HAPSTR1: variants seen among roughly 807,000 people sequenced by gnomAD.
HAPSTR1 encodes the protein HUWE1-associated protein modifying stress responses 1.
the HAPSTR1 span, chr16:9,120,570 TA>T: frequency 2.0e-5 from 3 of 152,018 alleles, no homozygotes; most frequent in African/African-American, 7.3e-5. Context: ...ATTTTTTTTT[TA>T]TTTAGTGCTT....
chr16:9,119,908 G>A, the HAPSTR1 span: 4 of 152,206 alleles, frequency 2.6e-5, no homozygotes, highest in Non-Finnish European at 5.9e-5. Flanking sequence ...TATAGTGAGA[G>A]GGATGGCCAA....
At chr16:9,105,915 C>G in the HAPSTR1 span, 1 of 152,078 alleles carries the variant, frequency 6.6e-6, no homozygotes, top group African/African-American at 2.4e-5. Flanking sequence ...GTTTTTTTCC[C>G]CTTCCTTACC....
At chr16:9,116,992 T>A in the HAPSTR1 span, 1 of 1,557,058 alleles carries the variant, frequency 6.4e-7, no homozygotes, top group Non-Finnish European at 8.7e-7. Flanking sequence ...AAAGGAAACA[T>A]GAGGCCATCT....
At chr16:9,114,366 C>T in the HAPSTR1 span, among the ~76,000 whole-genome samples, 1 of 151,914 alleles carries the variant, frequency 6.6e-6, no homozygotes, top group African/African-American at 2.4e-5. Flanking sequence ...CGGAGAGTTT[C>T]AATTTCAAGG....
the HAPSTR1 span, among the ~76,000 whole-genome samples, chr16:9,095,878 TACTG>T: frequency 0.16 from 23,747 of 152,104 alleles, 2,019 homozygotes; most frequent in Non-Finnish European, 0.19. Context: ...GAAGCCAAAA[TACTG>T]ACTGCTGGTT....
At chr16:9,113,074 T>G in the HAPSTR1 span, 1 of 151,758 alleles carries the variant, frequency 6.6e-6, no homozygotes, top group African/African-American at 2.4e-5. Context: ...TAGATTTTTC[T>G]GTACTTGTAT....
chr16:9,099,866 T>G, the HAPSTR1 span, among the ~76,000 whole-genome samples: 31,390 of 152,116 alleles, frequency 0.21, 3,319 homozygotes, highest in East Asian at 0.25. Flanking sequence ...TTAGCTCAAG[T>G]TATGAGAAAG....
the HAPSTR1 span, among the ~76,000 whole-genome samples, chr16:9,097,141 T>C: frequency 6.6e-6 from 1 of 152,140 alleles, no homozygotes; most frequent in African/African-American, 2.4e-5. Flanking sequence ...GGTTTCACCA[T>C]GTTGGCCAGG....
chr16:9,097,527 A>G, the HAPSTR1 span, among the ~76,000 whole-genome samples: 5 of 152,214 alleles, frequency 3.3e-5, no homozygotes, highest in Non-Finnish European at 2.9e-5. Context: ...GTGAGCCACC[A>G]TACCCAGCCT....
the HAPSTR1 span, chr16:9,103,414 T>C: frequency 3.9e-6 from 3 of 772,758 alleles, no homozygotes; most frequent in Non-Finnish European, 5.9e-6. Flanking sequence ...AGCTAAGAAC[T>C]TAATATGGGC....
chr16:9,095,407 T>C, the HAPSTR1 span, among the ~76,000 whole-genome samples: 3 of 152,228 alleles, frequency 2.0e-5, no homozygotes, highest in South Asian at 2.1e-4. Flanking sequence ...TTAAATGATA[T>C]TGGTTATAGT....
the HAPSTR1 span, chr16:9,110,935 G>C: frequency 6.6e-6 from 1 of 152,368 alleles, no homozygotes; most frequent in Non-Finnish European, 1.5e-5. Flanking sequence ...CTACTCAGGA[G>C]GCTGAGGCAG....
At chr16:9,111,693 G>GT in the HAPSTR1 span, 1 of 152,104 alleles carries the variant, frequency 6.6e-6, no homozygotes. Context: ...TGTTTAAGCA[G>GT]TTTTGATATT....
the HAPSTR1 span, chr16:9,110,564 C>A: frequency 6.6e-6 from 1 of 152,188 alleles, no homozygotes; most frequent in Non-Finnish European, 1.5e-5. Flanking sequence ...GAGAACAAAT[C>A]ACTCCTGATA....
the HAPSTR1 span, among the ~76,000 whole-genome samples, chr16:9,100,705 T>C: frequency 6.6e-6 from 1 of 152,152 alleles, no homozygotes; most frequent in African/African-American, 2.4e-5. Context: ...TGGCTAATTT[T>C]TGTATTTTTA....
chr16:9,106,638 C>T, the HAPSTR1 span: 2 of 152,004 alleles, frequency 1.3e-5, no homozygotes, highest in Admixed American at 1.3e-4. Context: ...GGCTTAAAGA[C>T]TAATTCAGTG....
At chr16:9,105,996 A>G in the HAPSTR1 span, 1 of 152,230 alleles carries the variant, frequency 6.6e-6, no homozygotes, top group Non-Finnish European at 1.5e-5. Flanking sequence ...CAGACTTGAC[A>G]CCTGCTGAAT....
At chr16:9,101,934 A>G in the HAPSTR1 span, among the ~76,000 whole-genome samples, 1 of 152,160 alleles carries the variant, frequency 6.6e-6, no homozygotes, top group Non-Finnish European at 1.5e-5. Flanking sequence ...CAGCCTGACC[A>G]ATATGGTGAA....
the HAPSTR1 span, chr16:9,104,422 A>C: frequency 6.6e-6 from 1 of 152,206 alleles, no homozygotes; most frequent in African/African-American, 2.4e-5. Context: ...GTTGAAAGTT[A>C]ACATTTTTGG....
Sources: allele counts gnomAD v4.1 joint callset (sites outside exome capture counted in the v4.1 genomes callset), GRCh38; gene constraint gnomAD v4.1.1; transcripts MANE v1.5; gene names NCBI Gene and HGNC (gene_info 2026-07-23, HGNC 2026-07-21).